The following GARRE1 variants were observed in gnomAD, a reference collection of about 807,000 sequenced individuals.
GARRE1 encodes the protein granule associated Rac and RHOG effector 1.
GARRE1 carries 49 observed loss-of-function variants against 103.2 expected under a neutral mutation model. The observed-to-expected ratio is 0.47, with a 90% CI of 0.38 to 0.60. The LOEUF is 0.60. Ranked by LOEUF, GARRE1 falls within the 20% of genes least tolerant of loss-of-function variation. GARRE1 has a pLI of 0.00. For synonymous variants in GARRE1, 505 were observed against 532.8 expected (o/e 0.95, Z 0.72); for missense variants, 1,199 against 1,370.5 (o/e 0.87, Z 1.98).
rs562813318 is a variant in GARRE1, at chr19:34,268,120, C to T, written c.-796+13506C>T. On this transcript the variant is annotated intron_variant, in intron 1 of 13. Transcript: ENST00000299505. ...TCTACTTAGAAATAAATTATTTTCA[C>T]CCCCTGATTTACACTTGAATTTCCA... is the stretch of plus-strand genomic sequence containing the variant. 4.6e-5 allele frequency among the ~76,000 whole-genome samples: 7 copies of T among 151,992 alleles called. No homozygotes were observed. The South Asian group carries it at 1.5e-3, about 32-fold the overall frequency.
At chr19:34,327,647 A>C in intron 4 of GARRE1, 86 bp downstream of exon 4, 5 of 1,501,654 alleles carry the variant, frequency 3.3e-6, no homozygotes, top group Non-Finnish European at 4.6e-6. Flanking sequence ...TCAATTAGAA[A>C]GGGTTATAGA....
chr19:34,277,930 A>G (rs1312616023), intron 1 of GARRE1, among the ~76,000 whole-genome samples: 2 of 120,880 alleles, frequency 1.7e-5, no homozygotes, highest in African/African-American at 3.0e-5. Flanking sequence ...AGCAGTTTTC[A>G]GAACAATAGC....
At chr19:34,256,724 G>C (rs1285770163) in intron 1 of GARRE1, among the ~76,000 whole-genome samples, 1 of 151,950 alleles carries the variant, frequency 6.6e-6, no homozygotes, top group African/African-American at 2.4e-5. Context: ...ATGTTTGTAA[G>C]GGCTACTTAC....
intron 8 of GARRE1, among the ~76,000 whole-genome samples, chr19:34,336,264 T>A (rs2074160726): frequency 6.6e-6 from 1 of 152,194 alleles, no homozygotes; most frequent in African/African-American, 2.4e-5. Flanking sequence ...GTGCTGGGAT[T>A]GCAGGCGTGA....
intron 1 of GARRE1, among the ~76,000 whole-genome samples, chr19:34,296,900 A>C (rs942395539): frequency 6.6e-6 from 1 of 152,024 alleles, no homozygotes; most frequent in East Asian, 1.9e-4. Context: ...CACCTTGGCC[A>C]CCTCTAAGTA....
chr19:34,315,505 A>G (rs2074055867), intron 2 of GARRE1, among the ~76,000 whole-genome samples: 1 of 152,086 alleles, frequency 6.6e-6, no homozygotes, highest in Non-Finnish European at 1.5e-5. Context: ...AGATCAGGAG[A>G]TCAAGACCAT....
chr19:34,352,840 A>G lies in GARRE1; in HGVS notation c.3098A>G (p.Tyr1033Cys). Residue 1033 changes from tyrosine (Y) to cysteine (C), a missense_variant, in exon 14 of 14, where the codon TAT becomes TGT. Physicochemically the swap from Tyr to Cys is radical, Grantham distance 194. Transcript: ENST00000299505. ...TNDCSAAAFS[Y>C]VQTPPQPPPP... ...GACTGCAGTGCCGCTGCCTTCTCCT[A>G]TGTGCAGACCCCACCCCAGCCCCCA... The G allele has an allele frequency of 1.2e-6, 2 of 1,607,942 alleles. No homozygotes were observed. Among genetic ancestry groups the G allele is most frequent in the Non-Finnish European group, 1.7e-6 (2 of 1,177,152 alleles).
chr19:34,334,357 A>C (rs117369998), intron 8 of GARRE1, among the ~76,000 whole-genome samples: 2,221 of 152,316 alleles, frequency 0.015, 23 homozygotes, highest in South Asian at 0.026. Flanking sequence ...GGCAAGGGAC[A>C]TGAACAGCTA....
chr19:34,312,681 CTT>C (rs1568539845), intron 2 of GARRE1, among the ~76,000 whole-genome samples: 1 of 152,168 alleles, frequency 6.6e-6, no homozygotes, highest in Admixed American at 6.6e-5. Flanking sequence ...AATCCCAGCA[CTT>C]TGGGAGGCTG....
chr19:34,317,644 T>G (rs1165819303), intron 2 of GARRE1, among the ~76,000 whole-genome samples: 1 of 152,156 alleles, frequency 6.6e-6, no homozygotes, highest in Non-Finnish European at 1.5e-5. Context: ...GGCACACAGG[T>G]GAAGGGCATG....
At chr19:34,287,629 A>G (rs1285330203) in intron 1 of GARRE1, among the ~76,000 whole-genome samples, 1 of 152,200 alleles carries the variant, frequency 6.6e-6, no homozygotes, top group Non-Finnish European at 1.5e-5. Flanking sequence ...ACAAAGTACT[A>G]TAGACTGGGT....
chr19:34,281,182 G>A (rs550841996), intron 1 of GARRE1, among the ~76,000 whole-genome samples: 5 of 152,304 alleles, frequency 3.3e-5, no homozygotes, highest in East Asian at 3.9e-4. Flanking sequence ...GTATAGTGGC[G>A]CCATGTTGGC....
At chr19:34,301,597 T>C (rs2073979481) in intron 2 of GARRE1, among the ~76,000 whole-genome samples, 1 of 151,064 alleles carries the variant, frequency 6.6e-6, no homozygotes, top group Non-Finnish European at 1.5e-5. Flanking sequence ...AATTTTCAAG[T>C]CAGAACCTAA....
chr19:34,310,701 A>T (rs972304843), intron 2 of GARRE1, among the ~76,000 whole-genome samples: 2 of 152,228 alleles, frequency 1.3e-5, no homozygotes, highest in Non-Finnish European at 2.9e-5. Flanking sequence ...GGTAGGCCAG[A>T]TAAATAAATA....
rs529470713 is a variant in GARRE1, at chr19:34,308,597, A to G, written c.495+7629A>G. ...GCATTGTGGTCAACAAACATGATTTACCATCTGTCTAGCCCATTCTACGTG... is the reference window on the plus strand; with the variant it reads ...GCATTGTGGTCAACAAACATGATTTGCCATCTGTCTAGCCCATTCTACGTG... On this transcript the variant is annotated intron_variant, in intron 2 of 13. Transcript: ENST00000299505. Among the ~76,000 whole-genome samples, 3 of 152,306 alleles carry G rather than the reference A, an allele frequency of 2.0e-5. No individual in the cohort carries two copies. In the East Asian group the frequency reaches 5.8e-4, roughly 29 times the overall value.
chr19:34,339,195 C>T (rs1261375280), intron 8 of GARRE1, among the ~76,000 whole-genome samples: 1 of 152,162 alleles, frequency 6.6e-6, no homozygotes, highest in East Asian at 1.9e-4. Context: ...CCCCACAAGG[C>T]TACTCCCCAC....
At chr19:34,287,248 C>T (rs909911244) in intron 1 of GARRE1, among the ~76,000 whole-genome samples, 1 of 152,014 alleles carries the variant, frequency 6.6e-6, no homozygotes, top group Admixed American at 6.6e-5. Flanking sequence ...AGGAAGGGTG[C>T]TATCCTGATT....
At chr19:34,299,368 G>A (rs1458950990) in intron 1 of GARRE1, among the ~76,000 whole-genome samples, 2 of 152,188 alleles carry the variant, frequency 1.3e-5, no homozygotes, top group African/African-American at 4.8e-5. Context: ...AAGCTTGTGA[G>A]CTCTTCAAAG....
chr19:34,299,135 G>A (rs1281145477), intron 1 of GARRE1, among the ~76,000 whole-genome samples: 1 of 152,188 alleles, frequency 6.6e-6, no homozygotes, highest in Non-Finnish European at 1.5e-5. Flanking sequence ...GACCTTTGCC[G>A]TGGTGGTCCT....
Sources: allele counts gnomAD v4.1 joint callset (sites outside exome capture counted in the v4.1 genomes callset), GRCh38; gene constraint gnomAD v4.1.1; transcripts MANE v1.5; gene names NCBI Gene and HGNC (gene_info 2026-07-23, HGNC 2026-07-21).